The following PRRC2B variants were observed in gnomAD, a reference collection of about 807,000 sequenced individuals.
PRRC2B encodes the protein proline rich coiled-coil 2B.
In PRRC2B, 68 loss-of-function variants were observed where a neutral mutation model predicts 242.3. The ratio of observed to expected loss-of-function variants is 0.28; its 90% CI spans 0.23 to 0.34. The LOEUF (loss-of-function observed/expected upper bound fraction) is 0.34. PRRC2B is among the 10% of genes least tolerant of loss of function. The probability of loss-of-function intolerance (pLI) is 1.00; values close to 1 mark genes in which losing one functional copy is unlikely to be tolerated. For missense variants in PRRC2B, 2,835 were observed against 2,954.8 expected (o/e 0.96, Z 0.94); for synonymous variants, 1,228 against 1,173.6 (o/e 1.05, Z -0.95).
chr9:131,434,068 C>G (rs1201614179), intron 3 of PRRC2B, among the ~76,000 whole-genome samples: 1 of 152,114 alleles, frequency 6.6e-6, no homozygotes, highest in Non-Finnish European at 1.5e-5. Context: ...CAGTGTCCCC[C>G]CCTTGAAATA....
At chr9:131,452,309 C>T (rs1365254118) in intron 9 of PRRC2B, among the ~76,000 whole-genome samples, 1 of 152,138 alleles carries the variant, frequency 6.6e-6, no homozygotes, top group Non-Finnish European at 1.5e-5. Context: ...GCCACTGTGC[C>T]TGGCCAGTAT....
chr9:131,400,100 T>C (rs865816459), intron 1 of PRRC2B, among the ~76,000 whole-genome samples: 8 of 152,086 alleles, frequency 5.3e-5, no homozygotes, highest in Admixed American at 3.9e-4. Context: ...TTTTTCTTTT[T>C]TGAGGCAGGG....
chr9:131,427,038 G>C (rs1271535959), intron 1 of PRRC2B, among the ~76,000 whole-genome samples: 1 of 152,200 alleles, frequency 6.6e-6, no homozygotes, highest in Non-Finnish European at 1.5e-5. Flanking sequence ...TCGGCCCCTG[G>C]TTGTGTCCCC....
At chr9:131,479,091 G>A (rs554664138) in intron 18 of PRRC2B, among the ~76,000 whole-genome samples, 161 bp from the exon 19 acceptor site, 2 of 152,068 alleles carry the variant, frequency 1.3e-5, no homozygotes, top group Non-Finnish European at 2.9e-5. Context: ...TGCTTTGCTT[G>A]GCATCGCAGT....
At chr9:131,453,843 T>A (rs1232230816) in intron 9 of PRRC2B, among the ~76,000 whole-genome samples, 1 of 152,228 alleles carries the variant, frequency 6.6e-6, no homozygotes, top group East Asian at 1.9e-4. Flanking sequence ...GATTATATGA[T>A]TCACATAATT....
Position 131,482,899 on chromosome 9 carries a change from A to C in PRRC2B, c.5365A>C (p.Ser1789Arg), listed in dbSNP as rs2131464094. The C allele has an allele frequency of 6.2e-7, 1 of 1,605,488 alleles. No individual in the cohort carries two copies. The highest frequency in any genetic ancestry group is 2.2e-5 in the East Asian group (1 of 44,602). Residue 1789 changes from serine to arginine, a missense_variant, in exon 22 of 32, where the codon AGT becomes CGT. Ser to Arg is a moderately radical substitution (Grantham distance 110). Around this residue, in one of 7 missense-constraint regions of PRRC2B, gnomAD observed 574 missense variants for 626.0 expected, o/e 0.92. Transcript: ENST00000683519. This position sits in a 1 kb window ranked among gnomAD's most constrained non-coding sequence, Gnocchi z 5.2. ...TGTGCCACCCATTGAATTTGGAGTC[A>C]GTCCAAAAGTGAGGCTTTGATTTGT... ...LPVPPIEFGVSPKDSDFSLPP... is the reference protein window; with the variant it reads ...LPVPPIEFGVRPKDSDFSLPP...
intron 23 of PRRC2B, 102 bp from the exon 24 acceptor site, chr9:131,484,584 T>A (rs1943961427): frequency 1.1e-6 from 1 of 906,642 alleles, no homozygotes; most frequent in Admixed American, 2.5e-5. Flanking sequence ...ATAGATACAT[T>A]TGGACGAGCC....
At chr9:131,406,773 A>ATGTAACAGTTACAATACAGGCG (rs1837372990) in intron 1 of PRRC2B, among the ~76,000 whole-genome samples, 1 of 152,212 alleles carries the variant, frequency 6.6e-6, no homozygotes, top group Non-Finnish European at 1.5e-5. Flanking sequence ...CTTAAAAACA[A>ATGTAACAGTTACAATACAGGCG]TGTAACAGTT....
Position 131,494,526 on chromosome 9 carries a change from T to A in PRRC2B, c.6555+40T>A. The A allele has an allele frequency of 1.8e-6, 2 of 1,140,854 alleles. No homozygotes were observed. Among genetic ancestry groups the A allele is most frequent in the Non-Finnish European group, 1.3e-6 (1 of 776,966 alleles). The allele number at this position is 1,140,854 out of a possible 1,614,324, so 70.7% of individuals were successfully genotyped here. A position where few individuals can be genotyped will look rare whatever the true frequency, so the allele number is the denominator to read the frequency against. On this transcript the variant is annotated intron_variant, in intron 31 of 31. Transcript: ENST00000683519. The surrounding 1 kb of genome is among the most constrained non-coding windows in gnomAD (Gnocchi z 4.3). ...TCCAGACCCTTCAGCCCTGGACACT[T>A]AGGCCCGTCTCCAAGCGCCAAAAGA...
In PRRC2B at chr9:131,494,274, C is replaced by G; in HGVS notation, c.6474-131C>G. 1.7e-6 allele frequency: 1 copy of G among 605,808 alleles called. No homozygotes were observed. The highest frequency in any genetic ancestry group is 3.0e-6 in the Non-Finnish European group (1 of 338,404). 37.5% of individuals were successfully genotyped at this position (605,808 alleles called of 1,614,324 possible). A position where few individuals can be genotyped will look rare whatever the true frequency, so the allele number is the denominator to read the frequency against. ...GGTTGTTTTCCATCCAAGAGATCCA[C>G]GGACCGTCCCGAGTGAGCGCCTCTG... is the stretch of plus-strand genomic sequence containing the variant. On this transcript the variant is annotated intron_variant, in intron 30 of 31. Transcript: ENST00000683519. This position sits in a 1 kb window ranked among gnomAD's most constrained non-coding sequence, Gnocchi z 4.3.
intron 1 of PRRC2B, among the ~76,000 whole-genome samples, chr9:131,398,821 A>G (rs529676796): frequency 1.3e-5 from 2 of 152,212 alleles, no homozygotes; most frequent in East Asian, 3.9e-4. Context: ...GCCTCTTAAA[A>G]GAAAAAATTA....
At chr9:131,483,497 C>A in intron 23 of PRRC2B, 52 bp downstream of exon 23, 1 of 1,522,420 alleles carries the variant, frequency 6.6e-7, no homozygotes, top group Middle Eastern at 1.9e-4. Context: ...GGCTGGCAGG[C>A]CCTGGGTGAA....
chr9:131,379,574 G>A (rs955241454), intron 1 of PRRC2B, among the ~76,000 whole-genome samples: 1 of 151,608 alleles, frequency 6.6e-6, no homozygotes. Context: ...TGTGCTCATC[G>A]GCCATGTGTA....
At chr9:131,490,583 C>G (rs1168483135) in intron 28 of PRRC2B, 1 of 518,930 alleles carries the variant, frequency 1.9e-6, no homozygotes, top group Non-Finnish European at 3.8e-6. Flanking sequence ...CAAAAGTGGC[C>G]CAGCCCCCCT....
In PRRC2B at chr9:131,432,561, TCTTTC is replaced by T; in HGVS notation, c.116-52_116-48del. 9.2e-6 allele frequency: 14 copies of T among 1,525,876 alleles called. 1 individual carries two copies. In the South Asian group the frequency reaches 1.4e-4, roughly 16 times the overall value. The allele number at this position is 1,525,876 out of a possible 1,614,324, so 94.5% of individuals were successfully genotyped here. ...AAAGAACAGCTGAATGCATCAGGCT[TCTTTC>T]CTTCTGTGACCTTTTTGCATGGTGT... On this transcript the variant is annotated intron_variant, in intron 2 of 31. Coordinates refer to ENST00000683519, the MANE Select transcript of PRRC2B (RefSeq NM_013318.4).
chr9:131,435,613 TA>T lies in PRRC2B; in HGVS notation c.294-982del, dbSNP rs66831387. ...CTGGGCGGCAGAATGAGACTCCATCTAAAAAAAAAAAAAAAAAAAAAAAAAG... is the reference window on the plus strand; with the variant it reads ...CTGGGCGGCAGAATGAGACTCCATCTAAAAAAAAAAAAAAAAAAAAAAAAG... On this transcript the variant is annotated intron_variant, in intron 3 of 31. Coordinates refer to ENST00000683519, the MANE Select transcript of PRRC2B (RefSeq NM_013318.4). 6.5e-3 allele frequency among the ~76,000 whole-genome samples: 945 copies of T among 146,426 alleles called. 6 individuals carry two copies. Among genetic ancestry groups the T allele is most frequent in the African/African-American group, 0.022 (845 of 38,290 alleles).
In PRRC2B at chr9:131,495,731, T is replaced by G. The variant is rs1343015499; in HGVS notation, c.6556-9T>G. 1 of 1,599,040 alleles carries G rather than the reference T, an allele frequency of 6.3e-7. No homozygotes were observed. The highest frequency in any genetic ancestry group is 8.6e-7 in the Non-Finnish European group (1 of 1,167,368). On this transcript the variant is annotated splice_polypyrimidine_tract_variant and intron_variant, in intron 31 of 31. Coordinates refer to ENST00000683519, the MANE Select transcript of PRRC2B (RefSeq NM_013318.4). ...GGTCACTTTGTTTTTCCCATTCATC[T>G]GTCCAAAGGCAAAACAACGAGTGGA...
In PRRC2B at chr9:131,474,964, A is replaced by T; in HGVS notation, c.2835A>T (p.Pro945=). The change falls in exon 16 of 32, where the codon CCA becomes CCT. Residue 945 remains proline, a synonymous_variant. Coordinates refer to ENST00000683519, the MANE Select transcript of PRRC2B (RefSeq NM_013318.4). The part of the protein sequence containing the change: ...RTRRSGPIKK[P]VLKALKVEDK... Reference sequence around the variant, plus strand: ...GGAGGTCGGGACCCATCAAGAAACCAGTCCTGAAAGCCCTCAAGGTGGAAG... The same window carrying T: ...GGAGGTCGGGACCCATCAAGAAACCTGTCCTGAAAGCCCTCAAGGTGGAAG... 6.3e-7 allele frequency: 1 copy of T among 1,597,540 alleles called. No individual in the cohort carries two copies. Among genetic ancestry groups the T allele is most frequent in the Non-Finnish European group, 8.5e-7 (1 of 1,172,364 alleles).
At chr9:131,459,383 G>A (rs569659301) in intron 11 of PRRC2B, 27 bp downstream of exon 11, 36 of 1,583,688 alleles carry the variant, frequency 2.3e-5, no homozygotes, top group Non-Finnish European at 3.1e-5. Context: ...GCTGTCCTGT[G>A]TATTTGTACT....
Sources: gnomAD v4.1 joint callset for allele counts (sites outside exome capture counted in the v4.1 genomes callset) on GRCh38, gnomAD v4.1.1 for gene constraint, gnomAD v4.1.1 regional missense constraint, Gnocchi (gnomAD v3.1) non-coding constraint, MANE v1.5 for transcripts, NCBI Gene and HGNC (gene_info 2026-07-23, HGNC 2026-07-21) for gene names.